HS6ST3: variants seen among roughly 807,000 people sequenced by gnomAD.
HS6ST3 encodes the protein heparan-sulfate 6-O-sulfotransferase 3.
A neutral mutation model predicts 36.7 loss-of-function variants in HS6ST3; 12 were observed. The ratio of observed to expected loss-of-function variants is 0.33; its 90% CI spans 0.21 to 0.53. The LOEUF (loss-of-function observed/expected upper bound fraction) is 0.53. Among genes scored for constraint, HS6ST3 ranks in the 20% least tolerant of loss-of-function variants. HS6ST3 has a pLI of 0.95. For missense variants in HS6ST3, 584 were observed against 640.9 expected, an observed-to-expected ratio of 0.91 and a Z score of 0.96; for synonymous variants, 240 against 257.5, an observed-to-expected ratio of 0.93 and a Z score of 0.65.
Position 96,636,075 on chromosome 13 carries a change from A to G in HS6ST3, c.708-196415A>G, listed in dbSNP as rs193035626. On this transcript the variant is annotated intron_variant, in intron 1 of 1. Transcript: ENST00000376705. ...TGACTGTAGAGGCACAGACTACTTCATCGACAATTCGATGAAACCCAGAGT... is the reference window on the plus strand; with the variant it reads ...TGACTGTAGAGGCACAGACTACTTCGTCGACAATTCGATGAAACCCAGAGT... 1.7e-3 allele frequency among the ~76,000 whole-genome samples: 253 copies of G among 152,290 alleles called. 2 individuals carry two copies. The highest frequency in any genetic ancestry group is 3.2e-4 in the Non-Finnish European group (22 of 68,030).
intron 1 of HS6ST3, among the ~76,000 whole-genome samples, chr13:96,500,022 T>C (rs2055996490): frequency 6.6e-6 from 1 of 152,200 alleles, no homozygotes; most frequent in African/African-American, 2.4e-5. Context: ...ACATCCCTGC[T>C]GATTTCAGAA....
At chr13:96,427,145 T>C (rs973089606) in intron 1 of HS6ST3, 1 of 154,346 alleles carries the variant, frequency 6.5e-6, no homozygotes, top group African/African-American at 2.4e-5. Context: ...GGTGGGGACA[T>C]AGAAATTCAT....
intron 1 of HS6ST3, among the ~76,000 whole-genome samples, chr13:96,341,191 A>G (rs2055128326): frequency 6.6e-6 from 1 of 152,236 alleles, no homozygotes; most frequent in Admixed American, 6.5e-5. Flanking sequence ...GAATATTGTT[A>G]ATTTTTACCT....
intron 1 of HS6ST3, among the ~76,000 whole-genome samples, chr13:96,801,197 G>T (rs567647207): frequency 5.9e-5 from 9 of 152,176 alleles, no homozygotes; most frequent in Admixed American, 2.0e-4. Flanking sequence ...CTCCATCTCT[G>T]TGTCCTTGTT....
chr13:96,661,201 T>C (rs1485606423), intron 1 of HS6ST3, among the ~76,000 whole-genome samples: 1 of 152,142 alleles, frequency 6.6e-6, no homozygotes, highest in Non-Finnish European at 1.5e-5. Context: ...TTTGATTATC[T>C]GCCTCGAAGA....
At chr13:96,286,448 C>A (rs2054802979) in intron 1 of HS6ST3, among the ~76,000 whole-genome samples, 1 of 151,956 alleles carries the variant, frequency 6.6e-6, no homozygotes, top group South Asian at 2.1e-4. Flanking sequence ...TAAAAATGTT[C>A]ATAATACATT....
chr13:96,175,779 G>A (rs1327762383), intron 1 of HS6ST3, among the ~76,000 whole-genome samples: 1 of 149,714 alleles, frequency 6.7e-6, no homozygotes, highest in Non-Finnish European at 1.5e-5. Flanking sequence ...TTTTATGGCT[G>A]CAGTATCCTC....
At chr13:96,817,365 T>C (rs1030242627) in intron 1 of HS6ST3, among the ~76,000 whole-genome samples, 4 of 152,220 alleles carry the variant, frequency 2.6e-5, no homozygotes, top group African/African-American at 9.6e-5. Context: ...TGACTTACAA[T>C]CACTGTGGGC....
intron 1 of HS6ST3, among the ~76,000 whole-genome samples, chr13:96,516,962 A>G (rs1452188493): frequency 2.0e-5 from 3 of 152,176 alleles, no homozygotes; most frequent in Non-Finnish European, 4.4e-5. Context: ...ATTCTTCTAC[A>G]ACCAGCGGGA....
chr13:96,290,821 C>T (rs2054826137), intron 1 of HS6ST3, among the ~76,000 whole-genome samples: 1 of 152,176 alleles, frequency 6.6e-6, no homozygotes, highest in Admixed American at 6.5e-5. Context: ...AGCTGGTTGT[C>T]ACCTCTCTGA....
At chr13:96,304,135 T>TC (rs1186523480) in intron 1 of HS6ST3, among the ~76,000 whole-genome samples, 20 of 123,458 alleles carry the variant, frequency 1.6e-4, no homozygotes, top group Non-Finnish European at 2.4e-4. Context: ...AGAGAGAGAC[T>TC]CCATCTCAAA....
intron 1 of HS6ST3, among the ~76,000 whole-genome samples, chr13:96,686,344 T>A (rs1414868862): frequency 6.6e-6 from 1 of 152,000 alleles, no homozygotes; most frequent in Non-Finnish European, 1.5e-5. Context: ...ACTCAATAAT[T>A]ATAGTTTATT....
At chr13:96,719,597 T>C (rs894482852) in intron 1 of HS6ST3, among the ~76,000 whole-genome samples, 1 of 152,196 alleles carries the variant, frequency 6.6e-6, no homozygotes, top group African/African-American at 2.4e-5. Context: ...CCAGCTTGCT[T>C]AGACTTTAAA....
intron 1 of HS6ST3, among the ~76,000 whole-genome samples, chr13:96,145,264 C>G (rs2054051829): frequency 6.6e-6 from 1 of 151,010 alleles, no homozygotes; most frequent in Admixed American, 6.6e-5. Context: ...GTTTACAGTC[C>G]CACCAACAGT....
chr13:96,471,664 T>G lies in HS6ST3; in HGVS notation c.708-360826T>G, dbSNP rs915865555. Among the ~76,000 whole-genome samples, 56 of 152,318 alleles carry G rather than the reference T, an allele frequency of 3.7e-4. 1 individual carries two copies. The highest frequency in any genetic ancestry group is 1.2e-3 in the African/African-American group (48 of 41,572). On this transcript the variant is annotated intron_variant, in intron 1 of 1. Transcript: ENST00000376705. The stretch of plus-strand genomic sequence containing the variant: ...GGATAGCTTCCATACTCCTCTGCAC[T>G]TTCCTTATTGACACAATGGGATATA...
intron 1 of HS6ST3, among the ~76,000 whole-genome samples, chr13:96,138,426 T>C (rs1404292399): frequency 6.7e-6 from 1 of 148,618 alleles, no homozygotes; most frequent in Non-Finnish European, 1.5e-5. Context: ...TTTATAAATA[T>C]ATATTTACAG....
At chr13:96,190,813 C>T (rs2054285300) in intron 1 of HS6ST3, among the ~76,000 whole-genome samples, 1 of 152,020 alleles carries the variant, frequency 6.6e-6, no homozygotes, top group Non-Finnish European at 1.5e-5. Context: ...AAGGAGAAAC[C>T]AGGAATGTGA....
At chr13:96,294,385 T>C (rs925204229) in intron 1 of HS6ST3, among the ~76,000 whole-genome samples, 6 of 152,188 alleles carry the variant, frequency 3.9e-5, no homozygotes, top group African/African-American at 1.4e-4. Context: ...GCTGAAGTTA[T>C]TACAACATTA....
At chr13:96,580,885 A>C (rs922193579) in intron 1 of HS6ST3, among the ~76,000 whole-genome samples, 48 of 152,286 alleles carry the variant, frequency 3.2e-4, no homozygotes, top group African/African-American at 1.1e-3. Context: ...AAAATGATTG[A>C]AAATTGGATC....
Sources: gnomAD v4.1 joint callset for allele counts (sites outside exome capture counted in the v4.1 genomes callset) on GRCh38, gnomAD v4.1.1 for gene constraint, MANE v1.5 for transcripts, NCBI Gene and HGNC (gene_info 2026-07-23, HGNC 2026-07-21) for gene names.